Variants in NCF4 observed in about 807,000 individuals in gnomAD.
NCF4 encodes the protein neutrophil cytosolic factor 4, also known as neutrophil cytosol factor 4.
In NCF4, 30 loss-of-function variants were observed where a neutral mutation model predicts 41.7. The ratio of observed to expected loss-of-function variants is 0.72; its 90% CI spans 0.54 to 0.97. The LOEUF is 0.97. NCF4 is among the 50% of genes least tolerant of loss of function. The probability of loss-of-function intolerance (pLI) is 0.00; values close to 1 mark genes in which losing one functional copy is unlikely to be tolerated. For synonymous variants in NCF4, 195 were observed against 175.8 expected (o/e 1.11, Z -0.87); for missense variants, 432 against 460.9 (o/e 0.94, Z 0.57).
chr22:36,861,659 C>G (rs1939777129), intron 1 of NCF4, among the ~76,000 whole-genome samples: 1 of 152,248 alleles, frequency 6.6e-6, no homozygotes. Context: ...TCATTGCTGT[C>G]TGACCCTTTG....
At chr22:36,868,830 C>G (rs1033609949) in intron 4 of NCF4, among the ~76,000 whole-genome samples, 3 of 152,186 alleles carry the variant, frequency 2.0e-5, no homozygotes, top group Non-Finnish European at 4.4e-5. Context: ...GCAGGAATCT[C>G]TGCCATGGCC....
intron 4 of NCF4, among the ~76,000 whole-genome samples, chr22:36,867,746 G>T (rs1196374431): frequency 1.3e-5 from 2 of 152,224 alleles, no homozygotes; most frequent in East Asian, 3.8e-4. Flanking sequence ...TCTATGCCAG[G>T]AGTTAAAATA....
chr22:36,868,944 A>C (rs1171198989), intron 4 of NCF4, among the ~76,000 whole-genome samples: 1 of 152,158 alleles, frequency 6.6e-6, no homozygotes, highest in East Asian at 1.9e-4. Flanking sequence ...AGAAAAGCCC[A>C]ACTCTCTGTA....
chr22:36,877,548 C>T lies in NCF4; in HGVS notation c.825-80C>T, dbSNP rs143192425. The T allele has an allele frequency of 8.4e-5, 123 of 1,472,054 alleles. No homozygotes were observed. In the East Asian group the frequency reaches 2.3e-3, roughly 28 times the overall value. 91.2% of individuals were successfully genotyped at this position (1,472,054 alleles called of 1,614,324 possible). A position where few individuals can be genotyped will look rare whatever the true frequency, so the allele number is the denominator to read the frequency against. On this transcript the variant is annotated intron_variant, in intron 9 of 9. Transcript: ENST00000248899. ...CTTTTTCTTACTCCTGGCTTCAGGACATAAAACCCTTTTCACCCCCTCTCC... is the reference window on the plus strand; with the variant it reads ...CTTTTTCTTACTCCTGGCTTCAGGATATAAAACCCTTTTCACCCCCTCTCC...
At chr22:36,863,908 C>T in intron 1 of NCF4, 137 bp from the exon 2 acceptor site, 1 of 832,246 alleles carries the variant, frequency 1.2e-6, no homozygotes, top group Non-Finnish European at 2.1e-6. Flanking sequence ...GTGGCTGGAC[C>T]TGGCCTGGGA....
At position 36,861,139 on chromosome 22, in the gene NCF4, C is replaced by T. The variant is rs770775392; in HGVS notation, c.-33C>T. 4 of 1,551,342 alleles carry T rather than the reference C, an allele frequency of 2.6e-6. No homozygotes were observed. In the South Asian group the frequency reaches 4.8e-5, roughly 18 times the overall value. ...TCAGCCTGGGACTGGCTGGGCGAGA[C>T]TCTCCACCTGCTCCCTGGGACCATC... is the stretch of plus-strand genomic sequence containing the variant. On this transcript the variant is annotated 5_prime_UTR_variant, in exon 1 of 10. Transcript: ENST00000248899.
chr22:36,861,247 C>T (rs915504320), intron 1 of NCF4, 44 bp downstream of exon 1: 5 of 1,548,342 alleles, frequency 3.2e-6, no homozygotes, highest in Non-Finnish European at 3.5e-6. Flanking sequence ...CTCACTGCTC[C>T]TCATAGGCCT....
At chr22:36,871,162 G>A (rs1349440264) in intron 5 of NCF4, among the ~76,000 whole-genome samples, 1 of 152,186 alleles carries the variant, frequency 6.6e-6, no homozygotes, top group Non-Finnish European at 1.5e-5. Context: ...ATGTCTCCAA[G>A]GGTCCTCTCC....
chr22:36,870,560 G>A lies in NCF4; in HGVS notation c.470+18G>A. 6.2e-7 allele frequency: 1 copy of A among 1,609,230 alleles called. No individual in the cohort carries two copies. Among genetic ancestry groups the A allele is most frequent in the Non-Finnish European group, 8.5e-7 (1 of 1,179,980 alleles). On this transcript the variant is annotated intron_variant, in intron 5 of 9. Coordinates refer to ENST00000248899, the MANE Select transcript of NCF4 (RefSeq NM_000631.5). ...CGGAAAGTGTAAGTGACCAGCCCCT[G>A]GGCTTCCACATGGCCAGAGCCCTGG... is the stretch of plus-strand genomic sequence containing the variant.
At chr22:36,862,593 G>C (rs1282307304) in intron 1 of NCF4, among the ~76,000 whole-genome samples, 3 of 152,286 alleles carry the variant, frequency 2.0e-5, no homozygotes, top group East Asian at 3.9e-4. Context: ...CCTTTCAGCT[G>C]CCTTAGCCCT....
In NCF4 at chr22:36,877,613, A is replaced by C; in HGVS notation, c.825-15A>C. 6.2e-7 allele frequency: 1 copy of C among 1,613,948 alleles called. No individual in the cohort carries two copies. Among genetic ancestry groups the C allele is most frequent in the Non-Finnish European group, 8.5e-7 (1 of 1,179,948 alleles). ...CGCTTAGGCCCTTTGATTATCCCTG[A>C]CTTTTCCCATGCAGGCGGGAGTTCC... On this transcript the variant is annotated splice_polypyrimidine_tract_variant and intron_variant, in intron 9 of 9. Coordinates refer to ENST00000248899, the MANE Select transcript of NCF4 (RefSeq NM_000631.5).
At chr22:36,875,023 T>C (rs1394105818) in intron 7 of NCF4, among the ~76,000 whole-genome samples, 1 of 152,188 alleles carries the variant, frequency 6.6e-6, no homozygotes, top group African/African-American at 2.4e-5. Context: ...CTTATTATTA[T>C]TTTTTTATTA....
At position 36,865,620 on chromosome 22, in the gene NCF4, G is replaced by A. The variant is rs1478974894; in HGVS notation, c.271+548G>A. ...CCTTCCTCCCCAGCTGGATCCTAAC[G>A]CGCACCTTGGACAGCGCCAAGCCCT... On this transcript the variant is annotated intron_variant, in intron 3 of 9. Transcript: ENST00000248899. The surrounding 1 kb of genome is among the most constrained non-coding windows in gnomAD (Gnocchi z 4.3). Among the ~76,000 whole-genome samples, 2 of 151,772 alleles carry A rather than the reference G, an allele frequency of 1.3e-5. No homozygotes were observed. Among genetic ancestry groups the A allele is most frequent in the South Asian group, 2.1e-4 (1 of 4,802 alleles).
At position 36,870,556 on chromosome 22, in the gene NCF4, C is replaced by T. The variant is rs1940032411; in HGVS notation, c.470+14C>T. ...CACCCGGAAAGTGTAAGTGACCAGC[C>T]CCTGGGCTTCCACATGGCCAGAGCC... On this transcript the variant is annotated intron_variant, in intron 5 of 9. Coordinates refer to ENST00000248899, the MANE Select transcript of NCF4 (RefSeq NM_000631.5). 6.2e-7 allele frequency: 1 copy of T among 1,609,606 alleles called. No homozygotes were observed. The highest frequency in any genetic ancestry group is 1.1e-5 in the South Asian group (1 of 91,090).
chr22:36,864,724 C>CT (rs200534565), intron 2 of NCF4, among the ~76,000 whole-genome samples, 195 bp from the exon 3 acceptor site: 11 of 148,988 alleles, frequency 7.4e-5, no homozygotes, highest in Admixed American at 1.3e-4. Flanking sequence ...CTTTTCTTTT[C>CT]TTTTTTTTTC....
At chr22:36,864,860 C>G in intron 2 of NCF4, 59 bp from the exon 3 acceptor site, 1 of 1,607,506 alleles carries the variant, frequency 6.2e-7, no homozygotes, top group African/African-American at 1.3e-5. Context: ...TCCCTTCCAC[C>G]TCTTTTTGGC....
chr22:36,864,138 G>C lies in NCF4; in HGVS notation c.117+9G>C. On this transcript the variant is annotated intron_variant, in intron 2 of 9. Transcript: ENST00000248899. ...GCTTCACCAGCCACTTTGTAAGACA[G>C]ACTCCTAGTCCTTCACCCAACAACC... The C allele has an allele frequency of 1.2e-6, 2 of 1,606,936 alleles. No individual in the cohort carries two copies. Among genetic ancestry groups the C allele is most frequent in the Non-Finnish European group, 1.7e-6 (2 of 1,173,658 alleles).
At chr22:36,871,975 C>G (rs1940068290) in intron 6 of NCF4, among the ~76,000 whole-genome samples, 1 of 152,372 alleles carries the variant, frequency 6.6e-6, no homozygotes, top group South Asian at 2.1e-4. Context: ...CCTGGGCCTC[C>G]TCTGAGTCAG....
In NCF4 at chr22:36,861,214, G is replaced by C. The variant is rs1487674937; in HGVS notation, c.32+11G>C. ...GCTGCGGGCCGAGAGGTGAGTGCCGGGGTGTGGCCGCCCCCGGGCCTTCTC... is the reference window on the plus strand; with the variant it reads ...GCTGCGGGCCGAGAGGTGAGTGCCGCGGTGTGGCCGCCCCCGGGCCTTCTC... On this transcript the variant is annotated intron_variant, in intron 1 of 9. Coordinates refer to ENST00000248899, the MANE Select transcript of NCF4 (RefSeq NM_000631.5). 3.2e-6 allele frequency: 5 copies of C among 1,551,470 alleles called. No individual in the cohort carries two copies. Among genetic ancestry groups the C allele is most frequent in the Non-Finnish European group, 4.4e-6 (5 of 1,146,828 alleles).
Sources: gnomAD v4.1 joint callset for allele counts (sites outside exome capture counted in the v4.1 genomes callset) on GRCh38, gnomAD v4.1.1 for gene constraint, Gnocchi (gnomAD v3.1) non-coding constraint, MANE v1.5 for transcripts, NCBI Gene and HGNC (gene_info 2026-07-23, HGNC 2026-07-21) for gene names.